The following ZNF397 variants were observed in gnomAD, a reference collection of about 807,000 sequenced individuals.
ZNF397 encodes zinc finger protein 397.
ZNF397 carries 38 observed loss-of-function variants against 50.6 expected under a neutral mutation model. That is an observed-to-expected ratio of 0.75 (90% CI 0.58 to 0.98). ZNF397 has a LOEUF of 0.98. Among genes scored for constraint, ZNF397 ranks in the 50% least tolerant of loss-of-function variants. ZNF397 has a pLI of 0.00. For missense variants in ZNF397, 624 were observed against 624.1 expected, an observed-to-expected ratio of 1.00 and a Z score of 0.00; for synonymous variants, 228 against 215.2, an observed-to-expected ratio of 1.06 and a Z score of -0.52.
At position 35,249,153 on chromosome 18, in the gene ZNF397, G is replaced by C. The variant is rs149204086; in HGVS notation, c.*2843G>C. On this transcript the variant is annotated 3_prime_UTR_variant, in exon 4 of 4. Coordinates refer to ENST00000330501, the MANE Select transcript of ZNF397 (RefSeq NM_001135178.3). ...TAAAATGTATATTAAAGCAAGAGTT[G>C]AGATGACACTTTTCCTTATAAAACA... The C allele has an allele frequency of 6.6e-6, 1 of 152,156 alleles. No individual in the cohort carries two copies. The highest frequency in any genetic ancestry group is 6.5e-5 in the Admixed American group (1 of 15,280). 9.4% of individuals were successfully genotyped at this position (152,156 alleles called of 1,614,324 possible). A position where few individuals can be genotyped will look rare whatever the true frequency, so the allele number is the denominator to read the frequency against.
intron 3 of ZNF397, among the ~76,000 whole-genome samples, chr18:35,244,251 G>A (rs1356727379): frequency 2.0e-5 from 3 of 152,142 alleles, no homozygotes; most frequent in Non-Finnish European, 4.4e-5. Flanking sequence ...ATGATACTGA[G>A]GTTTCAGTCT....
downstream of ZNF397, chr18:35,254,218 C>G (rs2043706606): frequency 6.2e-7 from 1 of 1,614,038 alleles, no homozygotes; most frequent in Non-Finnish European, 8.5e-7. Flanking sequence ...CAGCATTTCC[C>G]TTTTGCTTCT....
At chr18:35,255,034 T>G (rs188070294) in intron 5 of ZNF397, 1 of 153,608 alleles carries the variant, frequency 6.5e-6, no homozygotes, top group African/African-American at 2.4e-5. Context: ...TTAAAAAAAA[T>G]TTTGCACTTA....
At chr18:35,242,905 T>C in intron 2 of ZNF397, 21 bp downstream of exon 2, 1 of 1,576,972 alleles carries the variant, frequency 6.3e-7, no homozygotes, top group Non-Finnish European at 8.6e-7. Flanking sequence ...AGAAAAGTGA[T>C]GTGGGAAAAG....
intron 3 of ZNF397, among the ~76,000 whole-genome samples, chr18:35,245,029 G>A (rs2043449043): frequency 6.6e-6 from 1 of 152,148 alleles, no homozygotes; most frequent in South Asian, 2.1e-4. Flanking sequence ...GAAAAAAATT[G>A]TAGGTAATTT....
rs983835134 is a variant in ZNF397, at chr18:35,246,459, A to T, written c.*149A>T. 6.3e-6 allele frequency: 9 copies of T among 1,429,316 alleles called. No homozygotes were observed. The highest frequency in any genetic ancestry group is 8.2e-6 in the Non-Finnish European group (9 of 1,094,454). 88.5% of individuals were successfully genotyped at this position (1,429,316 alleles called of 1,614,324 possible). A position where few individuals can be genotyped will look rare whatever the true frequency, so the allele number is the denominator to read the frequency against. ...CTTTGTGCAGCATTTCCCAGTGCTA[A>T]TGTAAAGTGTCCCTTGAAAGCTTTT... is the stretch of plus-strand genomic sequence containing the variant. On this transcript the variant is annotated 3_prime_UTR_variant, in exon 4 of 4. Transcript: ENST00000330501.
At chr18:35,244,308 A>T (rs961548078) in intron 3 of ZNF397, among the ~76,000 whole-genome samples, 3 of 152,252 alleles carry the variant, frequency 2.0e-5, no homozygotes, top group Non-Finnish European at 4.4e-5. Context: ...ATGAGAAAAC[A>T]TAAGGAAAAA....
chr18:35,245,926 C>T lies in ZNF397; in HGVS notation c.1221C>T (p.Ser407=). ...YECNECGKTF[S]QSSKLIRHQR... ...GTAATGAATGTGGGAAAACCTTTAGCCAGAGCTCAAAACTCATTAGACATC... is the reference window on the plus strand; with the variant it reads ...GTAATGAATGTGGGAAAACCTTTAGTCAGAGCTCAAAACTCATTAGACATC... The change falls in exon 4 of 4, where the codon AGC becomes AGT. Residue 407 remains serine (S), a synonymous_variant. Coordinates refer to ENST00000330501, the MANE Select transcript of ZNF397 (RefSeq NM_001135178.3). 6.4e-7 allele frequency: 1 copy of T among 1,574,292 alleles called. No homozygotes were observed. The highest frequency in any genetic ancestry group is 1.2e-5 in the South Asian group (1 of 85,888).
chr18:35,250,685 C>T (rs1260856848), downstream of ZNF397, among the ~76,000 whole-genome samples: 1 of 152,176 alleles, frequency 6.6e-6, no homozygotes, highest in Non-Finnish European at 1.5e-5. Flanking sequence ...ATGGCAGGTC[C>T]ACAGGTCTAA....
At chr18:35,243,346 G>A in intron 3 of ZNF397, 53 bp downstream of exon 3, 1 of 1,613,550 alleles carries the variant, frequency 6.2e-7, no homozygotes, top group East Asian at 2.2e-5. Flanking sequence ...CTCTGTTTTT[G>A]AGAATGCAGA....
At position 35,246,160 on chromosome 18, in the gene ZNF397, A is replaced by T; in HGVS notation, c.1455A>T (p.Glu485Asp). ...GGGAGGAACCTTATCAGTGTAATGA[A>T]TGTGGCAAAACTTTCAAAAGGAGCT... ...HSGEEPYQCN[E>D]CGKTFKRSSA... Residue 485 changes from glutamate (E) to aspartate (D), a missense_variant, in exon 4 of 4, where the codon GAA becomes GAT. Glu to Asp is a conservative substitution (Grantham distance 45). Transcript: ENST00000330501. 2 of 1,551,314 alleles carry T rather than the reference A, an allele frequency of 1.3e-6. No individual in the cohort carries two copies. Among genetic ancestry groups the T allele is most frequent in the Non-Finnish European group, 1.7e-6 (2 of 1,146,558 alleles).
intron 2 of ZNF397, 96 bp from the exon 3 acceptor site, chr18:35,243,056 C>T: frequency 1.3e-6 from 2 of 1,564,946 alleles, no homozygotes; most frequent in South Asian, 1.2e-5. Context: ...TGTCCTTCAT[C>T]CCTGGAGATG....
Position 35,246,088 on chromosome 18 carries a change from T to C in ZNF397, c.1383T>C (p.Ala461=). ...ATGAATGTAGTGAATGTGGAAAAGC[T>C]TTCAGTTTGAGCTCAAACCTTATCA... The part of the protein sequence containing the change: ...KPYECSECGK[A]FSLSSNLIRH... Residue 461 remains alanine (A), a synonymous_variant, in exon 4 of 4, where the codon GCT becomes GCC. Coordinates refer to ENST00000330501, the MANE Select transcript of ZNF397 (RefSeq NM_001135178.3). 2 of 1,555,952 alleles carry C rather than the reference T, an allele frequency of 1.3e-6. No homozygotes were observed. Among genetic ancestry groups the C allele is most frequent in the South Asian group, 2.4e-5 (2 of 84,338 alleles).
chr18:35,250,785 G>T (rs1453151426), downstream of ZNF397, among the ~76,000 whole-genome samples: 1 of 152,168 alleles, frequency 6.6e-6, no homozygotes, highest in Non-Finnish European at 1.5e-5. Context: ...CCTAATTCTG[G>T]TGAACACAGG....
intron 1 of ZNF397, 35 bp downstream of exon 1, chr18:35,241,144 G>C (rs1462567870): frequency 1.3e-5 from 2 of 152,190 alleles, no homozygotes; most frequent in African/African-American, 4.8e-5. Context: ...GAGGGAGGTG[G>C]GGTTGGGAGC....
intron 1 of ZNF397, chr18:35,241,791 T>C (rs1271658433): frequency 6.6e-6 from 1 of 152,236 alleles, no homozygotes; most frequent in Admixed American, 6.5e-5. Context: ...CCTCAGTGTT[T>C]GTTGAAGTAA....
chr18:35,245,015 A>G (rs1173901995), intron 3 of ZNF397, among the ~76,000 whole-genome samples: 1 of 152,210 alleles, frequency 6.6e-6, no homozygotes, highest in Non-Finnish European at 1.5e-5. Context: ...GATTGTAAAT[A>G]GTAGAAAAAA....
In ZNF397 at chr18:35,249,468, A is replaced by T. The variant is rs906361451; in HGVS notation, c.*3158A>T. On this transcript the variant is annotated 3_prime_UTR_variant, in exon 4 of 4. Transcript: ENST00000330501. ...GGAGTTCGAGACCAGCCTGACCAATATGGTGAAACCCCGTCTCTACTAAAA... is the reference window on the plus strand; with the variant it reads ...GGAGTTCGAGACCAGCCTGACCAATTTGGTGAAACCCCGTCTCTACTAAAA... 6.6e-6 allele frequency: 1 copy of T among 152,084 alleles called. No individual in the cohort carries two copies. The highest frequency in any genetic ancestry group is 1.5e-5 in the Non-Finnish European group (1 of 68,028). 9.4% of individuals were successfully genotyped at this position (152,084 alleles called of 1,614,324 possible). A position where few individuals can be genotyped will look rare whatever the true frequency, so the allele number is the denominator to read the frequency against.
intron 5 of ZNF397, among the ~76,000 whole-genome samples, chr18:35,256,563 A>AT (rs2043826944): frequency 6.6e-6 from 1 of 152,284 alleles, no homozygotes; most frequent in African/African-American, 2.4e-5. Flanking sequence ...AAAAAAAAAA[A>AT]GATTACAATA....
Sources: gnomAD v4.1 joint callset for allele counts (sites outside exome capture counted in the v4.1 genomes callset) on GRCh38, gnomAD v4.1.1 for gene constraint, MANE v1.5 for transcripts, NCBI Gene and HGNC (gene_info 2026-07-23, HGNC 2026-07-21) for gene names.